The following ADAM32 variants were observed in gnomAD, a reference collection of about 807,000 sequenced individuals.
ADAM32 encodes the protein ADAM metallopeptidase domain 32.
In ADAM32, 89 loss-of-function variants were observed where a neutral mutation model predicts 114.9. The observed-to-expected ratio is 0.77, with a 90% CI of 0.65 to 0.92. The LOEUF (loss-of-function observed/expected upper bound fraction) is 0.92. Ranked by LOEUF, ADAM32 falls within the 40% of genes least tolerant of loss-of-function variation. ADAM32 has a pLI of 0.00. For missense variants in ADAM32, 870 were observed against 932.8 expected (o/e 0.93, Z 0.88); for synonymous variants, 285 against 307.5 (o/e 0.93, Z 0.77).
chr8:39,129,576 A>T (rs1273223193), intron 2 of ADAM32, among the ~76,000 whole-genome samples: 4 of 152,056 alleles, frequency 2.6e-5, no homozygotes, highest in African/African-American at 9.7e-5. Context: ...TTTATATGTC[A>T]CTGGAATTTG....
intron 11 of ADAM32, among the ~76,000 whole-genome samples, chr8:39,202,149 G>A (rs372037571): frequency 6.6e-6 from 1 of 152,220 alleles, no homozygotes; most frequent in Non-Finnish European, 1.5e-5. Flanking sequence ...CATAAAATGA[G>A]TTAGGGAGGA....
chr8:39,163,348 G>T (rs1585431748), intron 7 of ADAM32, among the ~76,000 whole-genome samples: 2 of 152,320 alleles, frequency 1.3e-5, no homozygotes, highest in South Asian at 4.1e-4. Context: ...ACAAAGGGAA[G>T]GAGGGAAGAT....
chr8:39,238,115 G>C (rs982826795), intron 16 of ADAM32, among the ~76,000 whole-genome samples: 1 of 152,190 alleles, frequency 6.6e-6, no homozygotes, highest in Non-Finnish European at 1.5e-5. Flanking sequence ...AGCATAACCA[G>C]TCTTGAAGGA....
intron 20 of ADAM32, among the ~76,000 whole-genome samples, chr8:39,272,441 G>A (rs1462486714): frequency 1.3e-5 from 2 of 152,084 alleles, no homozygotes; most frequent in Admixed American, 6.6e-5. Flanking sequence ...AAAAAACCTA[G>A]ATTGTATAGC....
chr8:39,136,465 A>G (rs534655450), intron 2 of ADAM32, among the ~76,000 whole-genome samples, 192 bp from the exon 3 acceptor site: 1 of 152,354 alleles, frequency 6.6e-6, no homozygotes, highest in South Asian at 2.1e-4. Context: ...GTGTGGAAAT[A>G]GTAAAAACCA....
chr8:39,173,749 C>T (rs1805338099), intron 10 of ADAM32, among the ~76,000 whole-genome samples: 2 of 152,050 alleles, frequency 1.3e-5, no homozygotes, highest in African/African-American at 4.8e-5. Flanking sequence ...TGCCTCTGTC[C>T]TGAATGACGT....
intron 14 of ADAM32, among the ~76,000 whole-genome samples, chr8:39,230,639 C>G (rs1809677754): frequency 6.6e-6 from 1 of 152,114 alleles, no homozygotes; most frequent in South Asian, 2.1e-4. Context: ...ACTAGCATTG[C>G]CTATCCTCAT....
At chr8:39,217,999 C>A (rs1808704431) in intron 12 of ADAM32, among the ~76,000 whole-genome samples, 2 of 152,110 alleles carry the variant, frequency 1.3e-5, no homozygotes, top group African/African-American at 4.8e-5. Flanking sequence ...TTATTTGTAG[C>A]CATCCTCCTT....
intron 11 of ADAM32, among the ~76,000 whole-genome samples, chr8:39,199,188 C>A (rs1807213753): frequency 1.3e-5 from 2 of 152,164 alleles, no homozygotes; most frequent in African/African-American, 2.4e-5. Flanking sequence ...GTGCCTTGAA[C>A]AAGACCTTTT....
At chr8:39,262,178 A>T in intron 19 of ADAM32, among the ~76,000 whole-genome samples, 1 of 148,540 alleles carries the variant, frequency 6.7e-6, no homozygotes, top group East Asian at 1.9e-4. Context: ...TTTGAATTTT[A>T]TATGTAGGAC....
intron 18 of ADAM32, among the ~76,000 whole-genome samples, chr8:39,255,624 T>C (rs1348007789): frequency 6.6e-6 from 1 of 152,124 alleles, no homozygotes; most frequent in African/African-American, 2.4e-5. Context: ...TTCTGGATAT[T>C]AGTTCTTTGT....
intron 13 of ADAM32, among the ~76,000 whole-genome samples, chr8:39,222,288 G>A (rs1218036681): frequency 6.6e-6 from 1 of 151,996 alleles, no homozygotes; most frequent in Non-Finnish European, 1.5e-5. Flanking sequence ...TCTCATAAGA[G>A]AATACCTCTG....
intron 19 of ADAM32, 94 bp from the exon 20 acceptor site, chr8:39,270,782 G>C: frequency 1.1e-6 from 1 of 897,372 alleles, no homozygotes; most frequent in East Asian, 2.6e-5. Flanking sequence ...GTCTTATAAG[G>C]AGATAATACT....
intron 16 of ADAM32, among the ~76,000 whole-genome samples, chr8:39,240,884 CCT>C (rs1810509372): frequency 6.6e-6 from 1 of 152,122 alleles, no homozygotes; most frequent in Non-Finnish European, 1.5e-5. Flanking sequence ...ATCATGCCTT[CCT>C]AACAGTCCCC....
chr8:39,216,179 G>T (rs1808554801), intron 12 of ADAM32, among the ~76,000 whole-genome samples: 1 of 151,964 alleles, frequency 6.6e-6, no homozygotes, highest in Non-Finnish European at 1.5e-5. Context: ...TATAGTTTTT[G>T]TCTTGAAATG....
At position 39,240,425 on chromosome 8, in the gene ADAM32, C is replaced by T. The variant is rs541964079; in HGVS notation, c.1819-5658C>T. On this transcript the variant is annotated intron_variant, in intron 16 of 24. Coordinates refer to ENST00000379907, the MANE Select transcript of ADAM32 (RefSeq NM_145004.7). ...CAATCCTCTGAGATACAGCAAAAGC[C>T]GTGCTAAAAGGAAAGTTTATAGCAT... Among the ~76,000 whole-genome samples the T allele has an allele frequency of 1.2e-4, 19 of 152,220 alleles. No individual in the cohort carries two copies. In the South Asian group the frequency reaches 3.1e-3, roughly 25 times the overall value.
chr8:39,167,721 T>C (rs1277560204), intron 9 of ADAM32: 1 of 152,172 alleles, frequency 6.6e-6, no homozygotes, highest in Non-Finnish European at 1.5e-5. Context: ...TCTTTCAGCA[T>C]TGTTTTGTAG....
At chr8:39,193,314 TA>T (rs1806725336) in intron 11 of ADAM32, among the ~76,000 whole-genome samples, 2 of 152,202 alleles carry the variant, frequency 1.3e-5, no homozygotes, top group Admixed American at 1.3e-4. Context: ...GCAATTGCAT[TA>T]TGAAATTTTT....
intron 17 of ADAM32, among the ~76,000 whole-genome samples, chr8:39,249,356 G>T (rs1170702800): frequency 6.6e-6 from 1 of 152,088 alleles, no homozygotes; most frequent in African/African-American, 2.4e-5. Flanking sequence ...TCTTGTTTGT[G>T]GTGTATAATT....
Sources: gnomAD v4.1 joint callset for allele counts (sites outside exome capture counted in the v4.1 genomes callset) on GRCh38, gnomAD v4.1.1 for gene constraint, MANE v1.5 for transcripts, NCBI Gene and HGNC (gene_info 2026-07-23, HGNC 2026-07-21) for gene names.